Variants in NLGN1 observed in about 807,000 individuals in gnomAD.
NLGN1 encodes neuroligin-1.
In NLGN1, 12 loss-of-function variants were observed where a neutral mutation model predicts 65.5. The ratio of observed to expected loss-of-function variants is 0.18; its 90% CI spans 0.12 to 0.30. NLGN1 has a LOEUF of 0.30. Ranked by LOEUF, NLGN1 falls within the 10% of genes least tolerant of loss-of-function variation. The pLI, the probability that NLGN1 is intolerant of heterozygous loss-of-function variation, is 1.00. For synonymous variants in NLGN1, 350 were observed against 359.5 expected, an observed-to-expected ratio of 0.97 and a Z score of 0.30; for missense variants, 750 against 1,007.1, an observed-to-expected ratio of 0.74 and a Z score of 3.46.
At chr3:174,277,784 T>C (rs377230279) in intron 5 of NLGN1, among the ~76,000 whole-genome samples, 1 of 152,038 alleles carries the variant, frequency 6.6e-6, no homozygotes, top group African/African-American at 2.4e-5. Flanking sequence ...TCTAAAACTT[T>C]CCTTCTAATT....
chr3:173,889,306 G>A lies in NLGN1; in HGVS notation c.646+81474G>A, dbSNP rs575692723. Among the ~76,000 whole-genome samples, 7 of 152,188 alleles carry A rather than the reference G, an allele frequency of 4.6e-5. No individual in the cohort carries two copies. In the South Asian group the frequency reaches 1.5e-3, roughly 32 times the overall value. On this transcript the variant is annotated intron_variant, in intron 4 of 6. Coordinates refer to ENST00000457714, the Ensembl canonical transcript of NLGN1. The stretch of plus-strand genomic sequence containing the variant: ...TGACAAGACGGTTATTGGGAGGAGG[G>A]TATGTGAATTGCCCACCTTTGCAGC...
At chr3:174,285,722 G>A (rs1306407101) in exon 7 of NLGN1, 1 of 151,368 alleles carries the variant, frequency 6.6e-6, no homozygotes, top group Non-Finnish European at 1.5e-5. Context: ...TAAGGGTTGT[G>A]GAGAATACAG....
chr3:173,663,531 A>G (rs1463447371), intron 3 of NLGN1, among the ~76,000 whole-genome samples: 2 of 152,044 alleles, frequency 1.3e-5, no homozygotes, highest in Non-Finnish European at 2.9e-5. Context: ...TCTTGCATAT[A>G]TAGAAGCTAG....
At chr3:174,003,699 G>A (rs1723780673) in intron 4 of NLGN1, among the ~76,000 whole-genome samples, 1 of 152,028 alleles carries the variant, frequency 6.6e-6, no homozygotes, top group Non-Finnish European at 1.5e-5. Context: ...AAAGAAAGAT[G>A]GAAAATTAGA....
intron 4 of NLGN1, among the ~76,000 whole-genome samples, chr3:173,954,299 C>T (rs1748764277): frequency 6.6e-6 from 1 of 152,042 alleles, no homozygotes. Context: ...AAATGAAGCA[C>T]AGATGTAATC....
At chr3:174,197,518 CAAAAAAA>C (rs10663769) in intron 4 of NLGN1, among the ~76,000 whole-genome samples, 2 of 100,412 alleles carry the variant, frequency 2.0e-5, no homozygotes, top group East Asian at 2.4e-4. Flanking sequence ...TACTTAACCT[CAAAAAAA>C]AAAAAAAAAA....
intron 3 of NLGN1, among the ~76,000 whole-genome samples, chr3:173,609,815 G>T (rs889576333): frequency 2.0e-5 from 3 of 151,874 alleles, no homozygotes; most frequent in Non-Finnish European, 4.4e-5. Context: ...GTGAGAAATT[G>T]AAACAGAGTA....
intron 3 of NLGN1, among the ~76,000 whole-genome samples, chr3:173,667,647 T>G (rs1051273199): frequency 4.6e-5 from 7 of 152,202 alleles, no homozygotes; most frequent in African/African-American, 1.7e-4. Context: ...CCCTTTTTTT[T>G]GAGTTCAAGT....
chr3:173,930,734 T>C (rs1423168609), intron 4 of NLGN1, among the ~76,000 whole-genome samples: 2 of 152,166 alleles, frequency 1.3e-5, no homozygotes, highest in African/African-American at 4.8e-5. Flanking sequence ...GAGAACACAG[T>C]GTCTTTTAAA....
chr3:173,712,903 G>T (rs1769219608), intron 3 of NLGN1, among the ~76,000 whole-genome samples: 1 of 151,924 alleles, frequency 6.6e-6, no homozygotes, highest in Non-Finnish European at 1.5e-5. Context: ...AAAAGAGCAA[G>T]AAAAAATTAA....
chr3:173,839,447 G>A (rs891626285), intron 4 of NLGN1, among the ~76,000 whole-genome samples: 19 of 149,172 alleles, frequency 1.3e-4, no homozygotes, highest in African/African-American at 4.0e-4. Context: ...TTTTTGAGAC[G>A]AAGTCTTGCT....
At chr3:174,105,333 G>A (rs1257067862) in intron 4 of NLGN1, among the ~76,000 whole-genome samples, 4 of 152,050 alleles carry the variant, frequency 2.6e-5, no homozygotes, top group African/African-American at 7.2e-5. Flanking sequence ...AGCCCAGGAG[G>A]TCAAGACTAG....
chr3:173,778,616 A>C (rs1184077922), intron 3 of NLGN1, among the ~76,000 whole-genome samples: 1 of 151,948 alleles, frequency 6.6e-6, no homozygotes, highest in African/African-American at 2.4e-5. Flanking sequence ...TGTTACACAA[A>C]GATGATATTA....
intron 4 of NLGN1, among the ~76,000 whole-genome samples, chr3:173,996,524 C>A (rs1254276278): frequency 6.6e-6 from 1 of 152,130 alleles, no homozygotes; most frequent in Non-Finnish European, 1.5e-5. Context: ...TTGAACTTCT[C>A]CAAGGTTGGC....
intron 4 of NLGN1, among the ~76,000 whole-genome samples, chr3:174,196,690 C>G (rs987446369): frequency 6.6e-6 from 1 of 152,136 alleles, no homozygotes; most frequent in African/African-American, 2.4e-5. Context: ...TTTTCTATAA[C>G]AAGTACTCAT....
At chr3:174,015,826 A>G (rs1428828767) in intron 4 of NLGN1, among the ~76,000 whole-genome samples, 1 of 152,210 alleles carries the variant, frequency 6.6e-6, no homozygotes, top group Non-Finnish European at 1.5e-5. Context: ...AATGGCAAAT[A>G]AAGTGACACA....
chr3:173,903,710 A>G (rs1737812130), intron 4 of NLGN1, among the ~76,000 whole-genome samples: 1 of 152,160 alleles, frequency 6.6e-6, no homozygotes, highest in African/African-American at 2.4e-5. Context: ...GCAAGGAGCT[A>G]TGGAGGGCCT....
chr3:173,750,173 T>G (rs971911398), intron 3 of NLGN1, among the ~76,000 whole-genome samples: 3 of 152,114 alleles, frequency 2.0e-5, no homozygotes, highest in Admixed American at 6.6e-5. Flanking sequence ...GCTCCTTATC[T>G]CCTTCATATA....
rs115741933 is a variant in NLGN1, at chr3:173,590,585, A to G, written c.-320-13694A>G. Among the ~76,000 whole-genome samples the G allele has an allele frequency of 8.6e-3, 1,313 of 152,252 alleles. 25 individuals are homozygous for G. Among genetic ancestry groups the G allele is most frequent in the African/African-American group, 0.03 (1,258 of 41,556 alleles). On this transcript the variant is annotated intron_variant, in intron 2 of 6. Transcript: ENST00000457714. ...AGTACCTGGTACATAACTGGAAATC[A>G]ATAAACGTTTATTGAATGAATGAAT...
Sources: gnomAD v4.1 joint callset for allele counts (sites outside exome capture counted in the v4.1 genomes callset) on GRCh38, gnomAD v4.1.1 for gene constraint, MANE v1.5 for transcripts, NCBI Gene and HGNC (gene_info 2026-07-23, HGNC 2026-07-21) for gene names.